MALRD1: variants seen among roughly 807,000 people sequenced by gnomAD.
MALRD1 encodes MAM and LDL receptor class A domain containing 1, also known as MAM and LDL-receptor class A domain-containing protein 1.
In MALRD1, 247 loss-of-function variants were observed where a neutral mutation model predicts 242.1. The observed-to-expected ratio is 1.02, with a 90% CI of 0.92 to 1.13. The LOEUF is 1.13. Among genes scored for constraint, MALRD1 ranks in the 50% most tolerant of loss-of-function variants. The pLI is 0.00. For missense variants in MALRD1, 2,989 were observed against 2,533.1 expected, an observed-to-expected ratio of 1.18 and a Z score of -3.86; for synonymous variants, 995 against 866.6, an observed-to-expected ratio of 1.15 and a Z score of -2.60.
At chr10:19,723,669 G>T (rs180873209) in intron 38 of MALRD1, among the ~76,000 whole-genome samples, 44 of 151,632 alleles carry the variant, frequency 2.9e-4, no homozygotes, top group African/African-American at 1.1e-3. Flanking sequence ...TTGGGCCCAG[G>T]AGTTCAAGGC....
intron 38 of MALRD1, among the ~76,000 whole-genome samples, chr10:19,727,772 T>G (rs986012294): frequency 1.3e-5 from 2 of 151,774 alleles, no homozygotes; most frequent in Non-Finnish European, 1.5e-5. Context: ...CATTGCATTT[T>G]TTTTTTTTTG....
intron 12 of MALRD1, among the ~76,000 whole-genome samples, chr10:19,159,438 C>G (rs1317140812): frequency 2.6e-5 from 4 of 151,696 alleles, no homozygotes; most frequent in Non-Finnish European, 5.9e-5. Context: ...AATAAGCAGA[C>G]TGAGGAAGGC....
chr10:19,388,930 C>G (rs1846211083), intron 27 of MALRD1, among the ~76,000 whole-genome samples: 1 of 140,270 alleles, frequency 7.1e-6, no homozygotes, highest in Admixed American at 7.1e-5. Flanking sequence ...GAAAGCAAGA[C>G]AAAAGTCTCA....
chr10:19,662,957 A>ATATCCATGGATGGCT (rs1384682359), intron 36 of MALRD1, among the ~76,000 whole-genome samples: 2 of 152,178 alleles, frequency 1.3e-5, no homozygotes, highest in Non-Finnish European at 2.9e-5. Flanking sequence ...GGAGTATACC[A>ATATCCATGGATGGCT]TATCCATGGA....
chr10:19,407,671 T>C lies in MALRD1; in HGVS notation c.4845+18062T>C, dbSNP rs147337781. 3.8e-3 allele frequency among the ~76,000 whole-genome samples: 585 copies of C among 152,202 alleles called. 3 individuals are homozygous for C. Among genetic ancestry groups the C allele is most frequent in the Middle Eastern group, 6.8e-3 (2 of 294 alleles). On this transcript the variant is annotated intron_variant, in intron 28 of 39. Transcript: ENST00000454679. Reference sequence around the variant, plus strand: ...CAAATAAACTCTAAATACCCAAATGTTGAGCAAAAGTTAAAAAGCTAATAC... The same window carrying C: ...CAAATAAACTCTAAATACCCAAATGCTGAGCAAAAGTTAAAAAGCTAATAC...
intron 11 of MALRD1, among the ~76,000 whole-genome samples, chr10:19,149,105 T>TATCTATC (rs1588616091): frequency 6.6e-6 from 1 of 151,730 alleles, no homozygotes; most frequent in East Asian, 1.9e-4. Context: ...TCTATCTATC[T>TATCTATC]ATCTATCTAT....
At chr10:19,585,679 T>C (rs1241259594) in intron 33 of MALRD1, among the ~76,000 whole-genome samples, 1 of 152,148 alleles carries the variant, frequency 6.6e-6, no homozygotes, top group Non-Finnish European at 1.5e-5. Context: ...CATTTCAACT[T>C]TGGTGAATCT....
intron 33 of MALRD1, among the ~76,000 whole-genome samples, chr10:19,590,175 A>T (rs1483991025): frequency 2.6e-5 from 4 of 151,706 alleles, no homozygotes; most frequent in Admixed American, 2.6e-4. Flanking sequence ...AAATTAGAAC[A>T]TAGAAATTTT....
chr10:19,697,906 A>G (rs1031709499), intron 38 of MALRD1, among the ~76,000 whole-genome samples: 1 of 152,100 alleles, frequency 6.6e-6, no homozygotes, highest in African/African-American at 2.4e-5. Context: ...TTCTTCCAGT[A>G]ACTTATTTAG....
intron 33 of MALRD1, among the ~76,000 whole-genome samples, chr10:19,587,065 A>T (rs978220297): frequency 2.6e-5 from 4 of 152,232 alleles, no homozygotes; most frequent in Non-Finnish European, 5.9e-5. Flanking sequence ...GAGTGAGGCA[A>T]TGCCTCGCCC....
At position 19,298,906 on chromosome 10, in the gene MALRD1, G is replaced by A. The variant is rs116353140; in HGVS notation, c.3419+15725G>A. On this transcript the variant is annotated intron_variant, in intron 21 of 39. Transcript: ENST00000454679. ...TCATCCAGACCCTCAAATCCTTTGC[G>A]TAGTTCCAGGCACAATGTATCAGAG... Among the ~76,000 whole-genome samples the A allele has an allele frequency of 4.6e-3, 706 of 151,854 alleles. 4 individuals carry two copies. Among genetic ancestry groups the A allele is most frequent in the African/African-American group, 0.015 (608 of 41,402 alleles).
intron 26 of MALRD1, among the ~76,000 whole-genome samples, chr10:19,353,932 G>C (rs900870629): frequency 7.9e-5 from 12 of 151,590 alleles, no homozygotes; most frequent in Non-Finnish European, 1.8e-4. Flanking sequence ...CGTTATGTTG[G>C]CCAGGCTGGT....
intron 33 of MALRD1, among the ~76,000 whole-genome samples, chr10:19,592,411 T>G (rs1239672811): frequency 6.6e-6 from 1 of 152,190 alleles, no homozygotes; most frequent in Non-Finnish European, 1.5e-5. Flanking sequence ...CACCAGTCAA[T>G]GAATGGAGCT....
chr10:19,709,994 C>G (rs1417678168), intron 38 of MALRD1, among the ~76,000 whole-genome samples: 4 of 152,048 alleles, frequency 2.6e-5, no homozygotes, highest in Non-Finnish European at 5.9e-5. Context: ...GGTGCAAAAT[C>G]AGAACCTGAG....
chr10:19,290,885 A>G (rs899437063), intron 21 of MALRD1, among the ~76,000 whole-genome samples: 3 of 152,084 alleles, frequency 2.0e-5, no homozygotes, highest in African/African-American at 4.8e-5. Flanking sequence ...GTGATTTTAT[A>G]TGATCTCAGA....
intron 36 of MALRD1, among the ~76,000 whole-genome samples, chr10:19,629,381 C>T (rs1040763036): frequency 6.6e-6 from 1 of 152,016 alleles, no homozygotes. Context: ...TTCTGTCCTC[C>T]GAGAGGAGTG....
intron 26 of MALRD1, among the ~76,000 whole-genome samples, chr10:19,381,689 A>T (rs1845845059): frequency 1.3e-5 from 2 of 148,562 alleles, no homozygotes; most frequent in Non-Finnish European, 3.0e-5. Context: ...AAAAAAAAAA[A>T]TTAGCCGGGC....
chr10:19,340,070 C>T (rs901330894), intron 24 of MALRD1, among the ~76,000 whole-genome samples: 3 of 152,048 alleles, frequency 2.0e-5, no homozygotes, highest in African/African-American at 7.2e-5. Context: ...CTAATTACCT[C>T]CTACCAGGTC....
intron 26 of MALRD1, among the ~76,000 whole-genome samples, chr10:19,355,996 G>A (rs773768823): frequency 1.1e-4 from 16 of 150,500 alleles, no homozygotes; most frequent in Non-Finnish European, 1.9e-4. Flanking sequence ...AATATTTTAA[G>A]CAGAGTGTAA....
Sources: gnomAD v4.1 joint callset for allele counts (sites outside exome capture counted in the v4.1 genomes callset) on GRCh38, gnomAD v4.1.1 for gene constraint, MANE v1.5 for transcripts, NCBI Gene and HGNC (gene_info 2026-07-23, HGNC 2026-07-21) for gene names.